CFI: variants seen among roughly 807,000 people sequenced by gnomAD.
CFI encodes the protein complement factor I.
In CFI, 66 loss-of-function variants were observed where a neutral mutation model predicts 78.8. The observed-to-expected ratio is 0.84, with a 90% confidence interval of 0.69 to 1.03. CFI has a LOEUF of 1.03. Among genes scored for constraint, CFI ranks in the 50% least tolerant of loss-of-function variants. The pLI is 0.00. For missense variants in CFI, 706 were observed against 704.5 expected (o/e 1.00, Z -0.02); for synonymous variants, 250 against 232.6 (o/e 1.07, Z -0.68).
At chr4:109,798,215 A>G (rs910840054) in intron 1 of CFI, among the ~76,000 whole-genome samples, 3 of 152,220 alleles carry the variant, frequency 2.0e-5, no homozygotes, top group Non-Finnish European at 4.4e-5. Flanking sequence ...TCAAAGGTCA[A>G]GATGTATAAT....
chr4:109,766,121 A>G (rs1416766583), intron 2 of CFI, among the ~76,000 whole-genome samples: 1 of 152,132 alleles, frequency 6.6e-6, no homozygotes, highest in Non-Finnish European at 1.5e-5. Context: ...CCGTCTCAAA[A>G]AAACAAAACA....
At position 109,766,804 on chromosome 4, in the gene CFI, C is replaced by T. The variant is rs777927266; in HGVS notation, c.78G>A (p.Glu26=). The part of the protein sequence containing the change: ...RFCKVTYTSQ[E]DLVEKKCLAK... ...CTAAGCACTTTTTCTCCACCAGATC[C>T]TCTTGAGATGTATAAGTGACCTGTA... is the stretch of plus-strand genomic sequence containing the variant. The change falls in exon 2 of 13, where the codon GAG becomes GAA. Residue 26 remains glutamate, a synonymous_variant. Coordinates refer to ENST00000394634, the MANE Select transcript of CFI (RefSeq NM_000204.5). 1.2e-6 allele frequency: 2 copies of T among 1,614,148 alleles called. No individual in the cohort carries two copies. The highest frequency in any genetic ancestry group is 2.2e-5 in the East Asian group (1 of 44,876).
At chr4:109,797,409 A>T (rs921572187) in intron 1 of CFI, among the ~76,000 whole-genome samples, 2 of 152,200 alleles carry the variant, frequency 1.3e-5, no homozygotes, top group Non-Finnish European at 2.9e-5. Context: ...ATATTACCCC[A>T]TACACACAAA....
intron 1 of CFI, among the ~76,000 whole-genome samples, chr4:109,772,917 C>T (rs1266467868): frequency 1.3e-5 from 2 of 152,078 alleles, no homozygotes; most frequent in African/African-American, 2.4e-5. Flanking sequence ...TTGTGGTAAA[C>T]ATTAATACTG....
chr4:109,768,734 C>T lies in CFI; in HGVS notation c.58-1910G>A, dbSNP rs191306968. On this transcript the variant is annotated intron_variant, in intron 1 of 12. Coordinates refer to ENST00000394634, the MANE Select transcript of CFI (RefSeq NM_000204.5). Reference sequence around the variant, plus strand: ...AGTGAGCCCCGCTCCTTCCTCAGTGCCCTGTAGCTGTGAAGCATCAAGCTG... The same window carrying T: ...AGTGAGCCCCGCTCCTTCCTCAGTGTCCTGTAGCTGTGAAGCATCAAGCTG... 2.0e-3 allele frequency among the ~76,000 whole-genome samples: 303 copies of T among 152,290 alleles called. 1 individual carries two copies. The highest frequency in any genetic ancestry group is 3.5e-3 in the Non-Finnish European group (235 of 68,032).
downstream of CFI, among the ~76,000 whole-genome samples, chr4:109,735,780 T>C (rs2126173927): frequency 6.6e-6 from 1 of 152,332 alleles, no homozygotes; most frequent in Admixed American, 6.5e-5. Flanking sequence ...CAGACTTACA[T>C]CTGGAAAACT....
At chr4:109,757,089 C>T (rs1239862737) in intron 7 of CFI, among the ~76,000 whole-genome samples, 1 of 151,860 alleles carries the variant, frequency 6.6e-6, no homozygotes, top group African/African-American at 2.4e-5. Context: ...AGTGCAGTGA[C>T]GCGGTCTCGG....
downstream of CFI, among the ~76,000 whole-genome samples, chr4:109,735,844 G>T (rs1723342099): frequency 6.6e-6 from 1 of 152,216 alleles, no homozygotes; most frequent in South Asian, 2.1e-4. Flanking sequence ...AAAAGGGAGT[G>T]GGCTAGCTTG....
At chr4:109,791,261 G>C (rs774348082) in intron 1 of CFI, among the ~76,000 whole-genome samples, 3 of 151,874 alleles carry the variant, frequency 2.0e-5, no homozygotes, top group Non-Finnish European at 4.4e-5. Context: ...AAAAGTATCT[G>C]TTCATGTCCT....
At chr4:109,772,029 C>T (rs1728669795) in intron 1 of CFI, among the ~76,000 whole-genome samples, 1 of 152,116 alleles carries the variant, frequency 6.6e-6, no homozygotes, top group South Asian at 2.1e-4. Flanking sequence ...CTTATAATTT[C>T]CTATTGTAAA....
chr4:109,742,373 A>G (rs1254816745), intron 12 of CFI, 118 bp downstream of exon 12: 12 of 735,536 alleles, frequency 1.6e-5, no homozygotes, highest in Non-Finnish European at 3.0e-5. Context: ...TGCTACAGCC[A>G]GAAGGCCAAA....
intron 1 of CFI, among the ~76,000 whole-genome samples, chr4:109,776,366 G>T (rs142038489): frequency 2.6e-5 from 4 of 152,124 alleles, no homozygotes; most frequent in African/African-American, 4.8e-5. Context: ...GGAAGAAAGG[G>T]TATCAATGAT....
At chr4:109,790,189 A>G (rs745819766) in intron 1 of CFI, among the ~76,000 whole-genome samples, 1 of 151,756 alleles carries the variant, frequency 6.6e-6, no homozygotes, top group African/African-American at 2.4e-5. Flanking sequence ...AGGTATTTGT[A>G]TCTTCTCTCT....
At chr4:109,800,329 T>G (rs1361645036) in intron 1 of CFI, among the ~76,000 whole-genome samples, 42 of 129,942 alleles carry the variant, frequency 3.2e-4, no homozygotes, top group African/African-American at 9.0e-4. Flanking sequence ...CTGTTTTTTT[T>G]TTTTTTTTTT....
intron 1 of CFI, among the ~76,000 whole-genome samples, chr4:109,785,456 A>G (rs991323655): frequency 1.3e-5 from 2 of 152,044 alleles, no homozygotes; most frequent in African/African-American, 2.4e-5. Flanking sequence ...ATATAAATAC[A>G]TTCACATATA....
At chr4:109,754,642 C>T (rs1427083394) in intron 7 of CFI, among the ~76,000 whole-genome samples, 1 of 152,038 alleles carries the variant, frequency 6.6e-6, no homozygotes, top group Non-Finnish European at 1.5e-5. Flanking sequence ...AATCCTGTGT[C>T]TTCTCACTGA....
intron 1 of CFI, among the ~76,000 whole-genome samples, chr4:109,776,012 T>TA (rs543746647): frequency 1.2e-3 from 177 of 152,184 alleles, no homozygotes; most frequent in Middle Eastern, 3.4e-3. Flanking sequence ...CAAAGGCAGA[T>TA]AAAACCACAA....
chr4:109,758,297 G>C (rs1726576494), intron 6 of CFI, among the ~76,000 whole-genome samples: 2 of 151,798 alleles, frequency 1.3e-5, no homozygotes, highest in Non-Finnish European at 2.9e-5. Flanking sequence ...TTCACTAATG[G>C]AACCCCACCA....
chr4:109,750,124 G>A (rs1370074596), intron 8 of CFI, among the ~76,000 whole-genome samples: 2 of 151,920 alleles, frequency 1.3e-5, no homozygotes, highest in African/African-American at 4.8e-5. Flanking sequence ...AGCCTCCCAA[G>A]TAGCTGGGAT....
Sources: gnomAD v4.1 joint callset for allele counts (sites outside exome capture counted in the v4.1 genomes callset) on GRCh38, gnomAD v4.1.1 for gene constraint, MANE v1.5 for transcripts, NCBI Gene and HGNC (gene_info 2026-07-23, HGNC 2026-07-21) for gene names.